GPATCH2: variants seen among roughly 807,000 people sequenced by gnomAD.
The protein encoded by GPATCH2 is G patch domain-containing protein 2.
Under a neutral mutation model 58.0 loss-of-function variants are expected in GPATCH2, and 51 were observed. The ratio of observed to expected loss-of-function variants is 0.88; its 90% CI spans 0.70 to 1.11. The LOEUF is 1.11. GPATCH2 is among the 50% of genes most tolerant of loss of function. The pLI is 0.00. For missense variants in GPATCH2, 625 were observed against 652.2 expected (o/e 0.96, Z 0.45); for synonymous variants, 222 against 218.5 (o/e 1.02, Z -0.14).
intron 5 of GPATCH2, among the ~76,000 whole-genome samples, chr1:217,563,831 G>C (rs1328709665): frequency 1.3e-5 from 2 of 152,036 alleles, no homozygotes; most frequent in Non-Finnish European, 2.9e-5. Context: ...GATCACCTGA[G>C]GTAAGGAGTT....
intron 6 of GPATCH2, among the ~76,000 whole-genome samples, chr1:217,514,369 G>A (rs1222889875): frequency 6.6e-6 from 1 of 151,774 alleles, no homozygotes; most frequent in African/African-American, 2.4e-5. Context: ...ATGTTGGCCA[G>A]GCTGGTCTCA....
At chr1:217,484,577 T>TATATATATATAG (rs1553328485) in intron 8 of GPATCH2, among the ~76,000 whole-genome samples, 1 of 145,644 alleles carries the variant, frequency 6.9e-6, no homozygotes, top group African/African-American at 2.5e-5. Context: ...TATATATATA[T>TATATATATATAG]GATGCACATA....
intron 5 of GPATCH2, chr1:217,609,063 A>G (rs1668498094): frequency 1.3e-6 from 1 of 772,632 alleles, no homozygotes; most frequent in Non-Finnish European, 1.6e-6. Context: ...ATACAATAAT[A>G]TAAAAATACA....
intron 9 of GPATCH2, among the ~76,000 whole-genome samples, chr1:217,447,808 C>T (rs559278580): frequency 1.4e-3 from 212 of 152,242 alleles, no homozygotes; most frequent in African/African-American, 4.9e-3. Context: ...TAATAGAGAA[C>T]GTGGCTGGGT....
intron 9 of GPATCH2, among the ~76,000 whole-genome samples, chr1:217,446,830 T>A (rs1281923671): frequency 1.3e-5 from 2 of 152,214 alleles, no homozygotes; most frequent in Non-Finnish European, 2.9e-5. Context: ...AATGATTTCT[T>A]CTGATGTTAC....
chr1:217,582,884 CAG>C (rs1268260206), intron 5 of GPATCH2, among the ~76,000 whole-genome samples: 6 of 152,154 alleles, frequency 3.9e-5, no homozygotes, highest in African/African-American at 1.2e-4. Context: ...CCTGAGATTG[CAG>C]AGTTTACACT....
At chr1:217,560,387 T>G (rs977210932) in intron 5 of GPATCH2, among the ~76,000 whole-genome samples, 1 of 152,208 alleles carries the variant, frequency 6.6e-6, no homozygotes, top group Non-Finnish European at 1.5e-5. Context: ...CAGGGGTATT[T>G]GTTTTCCTCT....
chr1:217,494,192 T>C (rs148986210), intron 7 of GPATCH2, among the ~76,000 whole-genome samples: 258 of 152,260 alleles, frequency 1.7e-3, no homozygotes, highest in Non-Finnish European at 3.0e-3. Flanking sequence ...GCTTTGTACA[T>C]AAAAACAAGT....
At chr1:217,582,450 C>T (rs1222542030) in intron 5 of GPATCH2, among the ~76,000 whole-genome samples, 1 of 151,878 alleles carries the variant, frequency 6.6e-6, no homozygotes, top group Non-Finnish European at 1.5e-5. Context: ...AATTATTGGA[C>T]ATGATAAATC....
At chr1:217,468,555 A>G (rs1660574773) in intron 8 of GPATCH2, among the ~76,000 whole-genome samples, 1 of 150,974 alleles carries the variant, frequency 6.6e-6, no homozygotes, top group African/African-American at 2.4e-5. Context: ...ACACACACAC[A>G]CACACACAGA....
chr1:217,431,249 C>A lies in GPATCH2; in HGVS notation c.1483G>T (p.Glu495Ter). The change falls in exon 10 of 10, where the codon GAG becomes TAG. Residue 495 changes from glutamate to a stop codon, truncating the protein, a stop_gained. Coordinates refer to ENST00000366935, the MANE Select transcript of GPATCH2 (RefSeq NM_018040.5). LOFTEE classifies it high-confidence loss of function. ...GLGRDGKGIS[E>*]PIQAMQRPKG... The stretch of plus-strand genomic sequence containing the variant: ...GGCCTCTGCATGGCTTGAATTGGCT[C>A]AGAGATCCCCTTGCCATCTCGTCCA... The A allele has an allele frequency of 6.2e-7, 1 of 1,608,636 alleles. No individual in the cohort carries two copies. Among genetic ancestry groups the A allele is most frequent in the Non-Finnish European group, 8.5e-7 (1 of 1,175,008 alleles).
chr1:217,529,521 C>T (rs977455838), intron 5 of GPATCH2, among the ~76,000 whole-genome samples: 18 of 152,182 alleles, frequency 1.2e-4, no homozygotes, highest in Admixed American at 6.5e-5. Context: ...TCCCCTTTGA[C>T]CTTCTCCTCC....
At chr1:217,507,037 C>G (rs1336437039) in intron 6 of GPATCH2, among the ~76,000 whole-genome samples, 1 of 152,110 alleles carries the variant, frequency 6.6e-6, no homozygotes, top group Non-Finnish European at 1.5e-5. Flanking sequence ...TTACCTCTAT[C>G]ACACTGTGAG....
chr1:217,506,872 C>T (rs1662590365), intron 6 of GPATCH2, among the ~76,000 whole-genome samples: 1 of 152,184 alleles, frequency 6.6e-6, no homozygotes, highest in Non-Finnish European at 1.5e-5. Flanking sequence ...TCACTTAGAT[C>T]CTAGAGAGCT....
chr1:217,570,340 T>C (rs976518744), intron 5 of GPATCH2, among the ~76,000 whole-genome samples: 37 of 152,128 alleles, frequency 2.4e-4, no homozygotes, highest in African/African-American at 8.0e-4. Context: ...CTTGAATTCC[T>C]GACCGCAAGT....
intron 5 of GPATCH2, among the ~76,000 whole-genome samples, chr1:217,537,453 A>C (rs537634080): frequency 8.9e-4 from 135 of 152,130 alleles, no homozygotes; most frequent in African/African-American, 3.2e-3. Context: ...AAAGGTTATA[A>C]TTATATATTA....
At chr1:217,542,171 T>C (rs1411312109) in intron 5 of GPATCH2, among the ~76,000 whole-genome samples, 1 of 152,240 alleles carries the variant, frequency 6.6e-6, no homozygotes, top group Non-Finnish European at 1.5e-5. Context: ...GAACATCTGC[T>C]GGTTGGCTGA....
At chr1:217,523,717 GCAGAGGGGCTCCTCACTTCC>G (rs1225480103) in intron 5 of GPATCH2, among the ~76,000 whole-genome samples, 17 of 150,832 alleles carry the variant, frequency 1.1e-4, no homozygotes, top group Admixed American at 2.0e-4. Context: ...TGGTGGCCGG[GCAGAGGGGCTCCTCACTTCC>G]CAGTAGGGGC....
At chr1:217,502,501 A>G (rs749532968) in intron 6 of GPATCH2, among the ~76,000 whole-genome samples, 34 of 152,136 alleles carry the variant, frequency 2.2e-4, no homozygotes, top group Admixed American at 7.9e-4. Flanking sequence ...CTTAGAATGA[A>G]TACCCATATA....
Sources: gnomAD v4.1 joint callset for allele counts (sites outside exome capture counted in the v4.1 genomes callset) on GRCh38, gnomAD v4.1.1 for gene constraint, MANE v1.5 for transcripts, NCBI Gene and HGNC (gene_info 2026-07-23, HGNC 2026-07-21) for gene names.